COL11A1: variants seen among roughly 807,000 people sequenced by gnomAD.
COL11A1 encodes collagen type XI alpha 1 chain.
A neutral mutation model predicts 265.2 loss-of-function variants in COL11A1; 74 were observed. The ratio of observed to expected loss-of-function variants is 0.28; its 90% CI spans 0.23 to 0.34. The LOEUF is 0.34. Among genes scored for constraint, COL11A1 ranks in the 10% least tolerant of loss-of-function variants. The probability of loss-of-function intolerance (pLI) is 1.00; values close to 1 mark genes in which losing one functional copy is unlikely to be tolerated. For missense variants in COL11A1, 2,165 were observed against 2,263.6 expected (o/e 0.96, Z 0.88); for synonymous variants, 816 against 727.6 (o/e 1.12, Z -1.96).
intron 4 of COL11A1, among the ~76,000 whole-genome samples, chr1:103,046,408 G>A (rs900691961): frequency 2.6e-5 from 4 of 151,534 alleles, no homozygotes; most frequent in African/African-American, 4.9e-5. Flanking sequence ...GTCTTGTTTT[G>A]AGAAGTGTCT....
intron 2 of COL11A1, 36 bp from the exon 3 acceptor site, chr1:103,078,907 A>G (rs771418094): frequency 2.8e-6 from 4 of 1,436,284 alleles, no homozygotes; most frequent in Admixed American, 3.7e-5. Context: ...GAAATTTCCA[A>G]TTTCCAATTT....
chr1:102,991,764 A>G (rs1460675907), intron 28 of COL11A1, among the ~76,000 whole-genome samples: 1 of 152,074 alleles, frequency 6.6e-6, no homozygotes, highest in East Asian at 1.9e-4. Flanking sequence ...ACTTGTGAAT[A>G]TGAGACCTAA....
In COL11A1 at chr1:103,003,273, G is replaced by A; in HGVS notation, c.1945-5C>T. ...ACCCAGCAAACCTCGTGGGCCCTAGGAGAAAAAGAAAAAGCACGCCTTTAT... is the reference window on the plus strand; with the variant it reads ...ACCCAGCAAACCTCGTGGGCCCTAGAAGAAAAAGAAAAAGCACGCCTTTAT... On this transcript the variant is annotated splice_region_variant and splice_polypyrimidine_tract_variant and intron_variant, in intron 20 of 66. Coordinates refer to ENST00000370096, the MANE Select transcript of COL11A1 (RefSeq NM_001854.4). The A allele has an allele frequency of 6.2e-7, 1 of 1,611,804 alleles. No homozygotes were observed.
chr1:102,949,644 T>A (rs753119773), intron 41 of COL11A1, among the ~76,000 whole-genome samples: 40 of 152,244 alleles, frequency 2.6e-4, no homozygotes, highest in Non-Finnish European at 4.4e-4. Context: ...ATTTTATTGC[T>A]GTATGACTTG....
At chr1:102,931,431 A>C (rs920041305) in intron 46 of COL11A1, among the ~76,000 whole-genome samples, 1 of 151,142 alleles carries the variant, frequency 6.6e-6, no homozygotes, top group Non-Finnish European at 1.5e-5. Context: ...CCTGAGTTCT[A>C]GTTTGATTGC....
In COL11A1 at chr1:102,878,520, C is replaced by CTT. The variant is rs1032533150; in HGVS notation, c.5275-357_5275-356dup. Among the ~76,000 whole-genome samples the CTT allele has an allele frequency of 3.7e-3, 176 of 47,002 alleles. 1 individual carries two copies. The highest frequency in any genetic ancestry group is 8.7e-3 in the African/African-American group (175 of 20,074). The allele number at this position is 47,002 out of a possible 152,430, so 30.8% of individuals were successfully genotyped here. ...TATATATATTCTTTTTCTTTTCTTT[C>CTT]TTTTTTTTTTTTTGAGATGAAGTTT... On this transcript the variant is annotated intron_variant, in intron 66 of 66. Coordinates refer to ENST00000370096, the MANE Select transcript of COL11A1 (RefSeq NM_001854.4).
At chr1:102,935,327 C>A (rs986563548) in intron 44 of COL11A1, among the ~76,000 whole-genome samples, 1 of 152,220 alleles carries the variant, frequency 6.6e-6, no homozygotes, top group Non-Finnish European at 1.5e-5. Flanking sequence ...TTTAAGTTGA[C>A]ATTTGTTGAA....
At chr1:102,961,037 T>C (rs1404449363) in intron 41 of COL11A1, among the ~76,000 whole-genome samples, 1 of 152,140 alleles carries the variant, frequency 6.6e-6, no homozygotes. Context: ...TAAAATATTT[T>C]GGAAGCAAAA....
At chr1:102,989,716 CT>C in intron 28 of COL11A1, 145 bp from the exon 29 acceptor site, 5 of 487,112 alleles carry the variant, frequency 1.0e-5, no homozygotes, top group South Asian at 4.1e-5. Context: ...TTCCTCCTCC[CT>C]TTTCCAACTC....
At chr1:102,996,254 T>A (rs924440767) in intron 26 of COL11A1, among the ~76,000 whole-genome samples, 1 of 152,122 alleles carries the variant, frequency 6.6e-6, no homozygotes, top group Non-Finnish European at 1.5e-5. Context: ...ATTTATTATG[T>A]CATATATTCA....
rs190024903 is a variant in COL11A1, at chr1:102,928,207, G to A, written c.3601-4818C>T. On this transcript the variant is annotated intron_variant, in intron 46 of 66. Transcript: ENST00000370096. ...GCTGGTGTGCTGCACCCACTAACTCGTCATCTAGCATTAGGTATATCTCCC... is the reference window on the plus strand; with the variant it reads ...GCTGGTGTGCTGCACCCACTAACTCATCATCTAGCATTAGGTATATCTCCC... Among the ~76,000 whole-genome samples, 143 of 151,638 alleles carry A rather than the reference G, an allele frequency of 9.4e-4. 1 individual carries two copies. The Middle Eastern group carries it at 0.01, about 11-fold the overall frequency.
At chr1:103,078,552 C>A (rs1246647552) in intron 3 of COL11A1, 106 bp downstream of exon 3, 1 of 1,033,834 alleles carries the variant, frequency 9.7e-7, no homozygotes, top group Non-Finnish European at 1.5e-6. Flanking sequence ...TTATTTATCA[C>A]CAGCCTCTAG....
chr1:103,085,786 T>C (rs1159391176), intron 1 of COL11A1, among the ~76,000 whole-genome samples: 11 of 152,194 alleles, frequency 7.2e-5, no homozygotes, highest in Non-Finnish European at 7.3e-5. Flanking sequence ...ATCTGTTTTA[T>C]ATGTGTTATT....
chr1:102,890,123 CACATTTAAAA>C (rs1430390523), intron 58 of COL11A1, among the ~76,000 whole-genome samples: 1 of 152,162 alleles, frequency 6.6e-6, no homozygotes, highest in African/African-American at 2.4e-5. Context: ...TTTTTATTTT[CACATTTAAAA>C]ACATAAAAAT....
intron 1 of COL11A1, among the ~76,000 whole-genome samples, chr1:103,086,696 G>A (rs574135320): frequency 7.9e-5 from 12 of 152,188 alleles, no homozygotes; most frequent in Admixed American, 3.3e-4. Context: ...GATTACAGGC[G>A]TGAGCCACCG....
intron 6 of COL11A1, 148 bp downstream of exon 6, chr1:103,026,068 G>A: frequency 1.6e-6 from 2 of 1,230,480 alleles, no homozygotes; most frequent in Non-Finnish European, 2.4e-6. Flanking sequence ...CTTCAAAACG[G>A]CTACTGTCAA....
intron 1 of COL11A1, among the ~76,000 whole-genome samples, chr1:103,095,642 A>T (rs1460995226): frequency 6.6e-6 from 1 of 152,006 alleles, no homozygotes; most frequent in Non-Finnish European, 1.5e-5. Context: ...TCAAAAAATT[A>T]TCCCCCATAC....
chr1:102,881,327 T>C (rs927825604), intron 65 of COL11A1, among the ~76,000 whole-genome samples: 18 of 152,020 alleles, frequency 1.2e-4, no homozygotes, highest in African/African-American at 3.9e-4. Context: ...AAAGAAGGAA[T>C]TAGGTTTCAA....
intron 63 of COL11A1, among the ~76,000 whole-genome samples, chr1:102,885,531 G>A (rs1027499598): frequency 2.0e-5 from 3 of 151,628 alleles, no homozygotes; most frequent in African/African-American, 7.3e-5. Flanking sequence ...TCTAATAGTC[G>A]CATAACTTTA....
Sources: allele counts gnomAD v4.1 joint callset (sites outside exome capture counted in the v4.1 genomes callset), GRCh38; gene constraint gnomAD v4.1.1; transcripts MANE v1.5; gene names NCBI Gene and HGNC (gene_info 2026-07-23, HGNC 2026-07-21).